HS3ST3A1: variants seen among roughly 807,000 people sequenced by gnomAD.
The protein encoded by HS3ST3A1 is heparan sulfate glucosamine 3-O-sulfotransferase 3A1.
A neutral mutation model predicts 25.7 loss-of-function variants in HS3ST3A1; 19 were observed. That is an observed-to-expected ratio of 0.74 (90% CI 0.52 to 1.08). HS3ST3A1 has a LOEUF of 1.08. Ranked by LOEUF, HS3ST3A1 falls within the 50% of genes least tolerant of loss-of-function variation. The probability of loss-of-function intolerance (pLI) is 0.00; values close to 1 mark genes in which losing one functional copy is unlikely to be tolerated. For missense variants in HS3ST3A1, 459 were observed against 594.3 expected (o/e 0.77, Z 2.37); for synonymous variants, 226 against 278.6 (o/e 0.81, Z 1.88).
At chr17:13,594,092 G>A (rs561845460) in intron 1 of HS3ST3A1, among the ~76,000 whole-genome samples, 13 of 152,236 alleles carry the variant, frequency 8.5e-5, no homozygotes, top group South Asian at 2.1e-4. Flanking sequence ...ATCAGTGTTC[G>A]TCTAATGTTT....
chr17:13,498,557 C>T (rs7224886), intron 1 of HS3ST3A1, among the ~76,000 whole-genome samples: 85,382 of 152,000 alleles, frequency 0.56, 24,358 homozygotes, highest in East Asian at 0.72. Context: ...TGACCTATCC[C>T]GTTTGACTGT....
In HS3ST3A1 at chr17:13,520,618, C is replaced by CT. The variant is rs112863523; in HGVS notation, c.600-23801dup. ...AATATTTTCATTTCTTTCTTTCTTT[C>CT]TTTTTTTTTTTGGGGAAATAGAGTC... On this transcript the variant is annotated intron_variant, in intron 1 of 1. Transcript: ENST00000284110. Among the ~76,000 whole-genome samples, 208 of 147,736 alleles carry CT rather than the reference C, an allele frequency of 1.4e-3. 1 individual carries two copies. The highest frequency in any genetic ancestry group is 3.5e-3 in the Middle Eastern group (1 of 284).
rs545025903 is a variant in HS3ST3A1, at chr17:13,567,103, G to C, written c.599+33428C>G. Among the ~76,000 whole-genome samples the C allele has an allele frequency of 3.3e-5, 5 of 152,312 alleles. No homozygotes were observed. The South Asian group carries it at 8.3e-4, about 25-fold the overall frequency. Reference sequence around the variant, plus strand: ...CTTTTGTTAGGAGTTAATGCAGCTGGTGACTTTGAGCTGAAGCCAATGCTC... The same window carrying C: ...CTTTTGTTAGGAGTTAATGCAGCTGCTGACTTTGAGCTGAAGCCAATGCTC... On this transcript the variant is annotated intron_variant, in intron 1 of 1. Coordinates refer to ENST00000284110, the MANE Select transcript of HS3ST3A1 (RefSeq NM_006042.3).
At chr17:13,502,902 CA>C (rs1265393883) in intron 1 of HS3ST3A1, among the ~76,000 whole-genome samples, 7 of 149,668 alleles carry the variant, frequency 4.7e-5, no homozygotes, top group Non-Finnish European at 5.9e-5. Context: ...AAAATAGGGC[CA>C]GGGGTGGTGG....
chr17:13,537,589 C>T (rs962905199), intron 1 of HS3ST3A1, among the ~76,000 whole-genome samples: 6 of 152,348 alleles, frequency 3.9e-5, no homozygotes, highest in Admixed American at 2.0e-4. Flanking sequence ...GCCTGTGTCT[C>T]TGGCAAATGT....
chr17:13,587,895 C>T (rs1271609399), intron 1 of HS3ST3A1, among the ~76,000 whole-genome samples: 2 of 152,152 alleles, frequency 1.3e-5, no homozygotes, highest in African/African-American at 4.8e-5. Context: ...GAATGCATGA[C>T]CTAATCCCAT....
intron 1 of HS3ST3A1, among the ~76,000 whole-genome samples, chr17:13,524,173 AC>A (rs1906337490): frequency 6.6e-6 from 1 of 152,220 alleles, no homozygotes. Flanking sequence ...AAGTATATAC[AC>A]ATTTTACAAA....
chr17:13,570,882 C>A (rs1340012794), intron 1 of HS3ST3A1, among the ~76,000 whole-genome samples: 5 of 152,154 alleles, frequency 3.3e-5, no homozygotes, highest in Non-Finnish European at 7.3e-5. Context: ...TTTTTAATCA[C>A]AACAACCCTT....
intron 1 of HS3ST3A1, among the ~76,000 whole-genome samples, chr17:13,579,716 A>C (rs902812149): frequency 3.5e-5 from 5 of 143,172 alleles, no homozygotes; most frequent in Non-Finnish European, 7.7e-5. Flanking sequence ...AAAAAAAAAA[A>C]AAAAAAAAAA....
intron 1 of HS3ST3A1, among the ~76,000 whole-genome samples, chr17:13,593,373 A>G (rs957206474): frequency 2.6e-5 from 4 of 152,170 alleles, no homozygotes; most frequent in Non-Finnish European, 4.4e-5. Flanking sequence ...GCTTTGGGGA[A>G]CCTTTCACAC....
intron 1 of HS3ST3A1, among the ~76,000 whole-genome samples, chr17:13,504,119 C>A (rs1014919678): frequency 3.9e-5 from 6 of 151,974 alleles, no homozygotes; most frequent in African/African-American, 1.2e-4. Flanking sequence ...TCAAGACCAG[C>A]CTGACCAACT....
intron 1 of HS3ST3A1, among the ~76,000 whole-genome samples, chr17:13,501,134 G>A (rs1223815813): frequency 6.6e-6 from 1 of 152,220 alleles, no homozygotes; most frequent in Non-Finnish European, 1.5e-5. Context: ...CTATTGTTCA[G>A]TAGGTATGAA....
chr17:13,523,598 C>T (rs1344482950), intron 1 of HS3ST3A1, among the ~76,000 whole-genome samples: 1 of 152,112 alleles, frequency 6.6e-6, no homozygotes, highest in Non-Finnish European at 1.5e-5. Context: ...GCCCTCCACA[C>T]TAAGAGAGGT....
At chr17:13,513,528 A>G (rs113387653) in intron 1 of HS3ST3A1, among the ~76,000 whole-genome samples, 130 of 152,362 alleles carry the variant, frequency 8.5e-4, no homozygotes, top group African/African-American at 2.9e-3. Flanking sequence ...GCATTTAAAA[A>G]TACATCCATG....
intron 1 of HS3ST3A1, among the ~76,000 whole-genome samples, chr17:13,587,180 G>A (rs1054325263): frequency 6.6e-6 from 1 of 151,842 alleles, no homozygotes; most frequent in Non-Finnish European, 1.5e-5. Flanking sequence ...TTGAGGCCGG[G>A]CACGGTGGTT....
chr17:13,538,970 A>C (rs1405387963), intron 1 of HS3ST3A1, among the ~76,000 whole-genome samples: 3 of 152,184 alleles, frequency 2.0e-5, no homozygotes, highest in Non-Finnish European at 4.4e-5. Flanking sequence ...TAAGTGATTC[A>C]TCTGCTCCAT....
intron 1 of HS3ST3A1, among the ~76,000 whole-genome samples, chr17:13,577,272 G>A (rs1397334159): frequency 2.6e-5 from 4 of 152,276 alleles, no homozygotes; most frequent in Middle Eastern, 3.4e-3. Flanking sequence ...TACTCAGCAT[G>A]CTATTAATTC....
chr17:13,577,917 T>C (rs1230777915), intron 1 of HS3ST3A1, among the ~76,000 whole-genome samples: 48 of 152,186 alleles, frequency 3.2e-4, no homozygotes. Flanking sequence ...TAGCTCTTAA[T>C]CTAGAACCCA....
At chr17:13,513,703 C>G (rs1461279829) in intron 1 of HS3ST3A1, among the ~76,000 whole-genome samples, 3 of 152,180 alleles carry the variant, frequency 2.0e-5, no homozygotes, top group Non-Finnish European at 4.4e-5. Context: ...TGCGCAGTAT[C>G]CTATTTTATG....
Sources: allele counts gnomAD v4.1 joint callset (sites outside exome capture counted in the v4.1 genomes callset), GRCh38; gene constraint gnomAD v4.1.1; transcripts MANE v1.5; gene names NCBI Gene and HGNC (gene_info 2026-07-23, HGNC 2026-07-21).